SLC6A11: variants seen among roughly 807,000 people sequenced by gnomAD.
The protein encoded by SLC6A11 is sodium- and chloride-dependent GABA transporter 3.
In SLC6A11, 25 loss-of-function variants were observed where a neutral mutation model predicts 74.8. The observed-to-expected ratio is 0.33, with a 90% CI of 0.24 to 0.47. SLC6A11 has a LOEUF of 0.47. Ranked by LOEUF, SLC6A11 falls within the 20% of genes least tolerant of loss-of-function variation. SLC6A11 has a pLI of 1.00. For synonymous variants in SLC6A11, 330 were observed against 330.2 expected (o/e 1.00, Z 0.01); for missense variants, 574 against 837.0 (o/e 0.69, Z 3.88).
At chr3:10,860,972 A>AG (rs1694696533) in intron 5 of SLC6A11, among the ~76,000 whole-genome samples, 1 of 152,224 alleles carries the variant, frequency 6.6e-6, no homozygotes, top group Admixed American at 6.5e-5. Context: ...GGAGGATTAA[A>AG]GAGCATCAGT....
rs1193789777 is a variant in SLC6A11 at position 10,912,109 on chromosome 3, C to T, written c.911C>T (p.Thr304Met). ...CTACAGGTCTGGGTAGATGCTGGAA[C>T]GCAGATCTTTTTCTCCTATGCCATT... ...SDPQVWVDAGTQIFFSYAICL... is the reference protein window; with the variant it reads ...SDPQVWVDAGMQIFFSYAICL... The change falls in exon 7 of 14, where the codon ACG becomes ATG. Residue 304 changes from threonine (T) to methionine (M), a missense_variant. Physicochemically the swap from Thr to Met is moderately conservative, Grantham distance 81. This residue lies in a region of SLC6A11 where 215 missense variants were observed against 357.9 expected (regional missense o/e 0.60). Transcript: ENST00000254488. The T allele has an allele frequency of 2.5e-6, 4 of 1,613,408 alleles. No homozygotes were observed. Among genetic ancestry groups the T allele is most frequent in the South Asian group, 2.2e-5 (2 of 91,062 alleles).
At chr3:10,884,278 A>G (rs1010055393) in intron 6 of SLC6A11, among the ~76,000 whole-genome samples, 5 of 152,198 alleles carry the variant, frequency 3.3e-5, no homozygotes, top group African/African-American at 1.2e-4. Flanking sequence ...GATGCTGGTT[A>G]TCATTGATTG....
intron 4 of SLC6A11, among the ~76,000 whole-genome samples, chr3:10,832,217 G>C (rs1204327918): frequency 6.6e-6 from 1 of 152,132 alleles, no homozygotes; most frequent in African/African-American, 2.4e-5. Flanking sequence ...GAGCAGCCCT[G>C]GTGCCCTGCA....
At chr3:10,861,581 A>G (rs1158781243) in intron 5 of SLC6A11, among the ~76,000 whole-genome samples, 1 of 152,178 alleles carries the variant, frequency 6.6e-6, no homozygotes, top group Non-Finnish European at 1.5e-5. Flanking sequence ...TAAAAAAATC[A>G]TGGAGAAAGG....
rs1694739366 is a variant in SLC6A11, at chr3:10,864,393, CCCA to C, written c.757-10567_757-10565del. ...TCTGAGAAGTCTCAGCAACTTTCCC[CCCA>C]GTAACTGCGCGTGAGCCCCTAGCAA... On this transcript the variant is annotated intron_variant, in intron 5 of 13. Transcript: ENST00000254488. Among the ~76,000 whole-genome samples the C allele has an allele frequency of 4.0e-5, 6 of 151,812 alleles. No individual in the cohort carries two copies. In the South Asian group the frequency reaches 1.0e-3, roughly 26 times the overall value.
chr3:10,893,978 A>G (rs1041558916), intron 6 of SLC6A11, among the ~76,000 whole-genome samples: 5 of 152,168 alleles, frequency 3.3e-5, no homozygotes, highest in Non-Finnish European at 7.4e-5. Flanking sequence ...TGAGGGAAGC[A>G]TGAGGAATGA....
chr3:10,895,897 C>G (rs1695165638), intron 6 of SLC6A11, among the ~76,000 whole-genome samples: 1 of 152,326 alleles, frequency 6.6e-6, no homozygotes, highest in South Asian at 2.1e-4. Flanking sequence ...TTTTTAGGAG[C>G]AAGCGTCGTC....
At chr3:10,829,200 C>T (rs941852633) in intron 4 of SLC6A11, among the ~76,000 whole-genome samples, 2 of 152,168 alleles carry the variant, frequency 1.3e-5, no homozygotes, top group Non-Finnish European at 2.9e-5. Context: ...ATGGGGTTAA[C>T]CCTGTTCCTT....
chr3:10,818,788 G>T (rs1441057540), intron 1 of SLC6A11, among the ~76,000 whole-genome samples: 1 of 152,116 alleles, frequency 6.6e-6, no homozygotes, highest in Non-Finnish European at 1.5e-5. Flanking sequence ...TTCACAGAAA[G>T]GCCCAGGAAA....
At chr3:10,875,253 G>T (rs751842289) in intron 6 of SLC6A11, among the ~76,000 whole-genome samples, 158 bp downstream of exon 6, 1 of 152,174 alleles carries the variant, frequency 6.6e-6, no homozygotes, top group Non-Finnish European at 1.5e-5. Flanking sequence ...AATTTAATAC[G>T]TAGGAAATCA....
chr3:10,912,462 G>A (rs1695400016), intron 7 of SLC6A11, among the ~76,000 whole-genome samples: 2 of 152,192 alleles, frequency 1.3e-5, no homozygotes, highest in South Asian at 4.1e-4. Flanking sequence ...CACCTCGTAT[G>A]GTAAAGACGT....
At chr3:10,887,388 G>A (rs1342195825) in intron 6 of SLC6A11, among the ~76,000 whole-genome samples, 3 of 152,138 alleles carry the variant, frequency 2.0e-5, no homozygotes, top group Admixed American at 1.3e-4. Context: ...AATCAGAGAA[G>A]AACAACATTA....
In SLC6A11 at chr3:10,824,191, C is replaced by T. The variant is rs1436550020; in HGVS notation, c.623+799C>T. ...ATTGTGTGGTGCACGACCTGTATAACCATACACAGTGGCCCTGACTTGCAA... is the reference window on the plus strand; with the variant it reads ...ATTGTGTGGTGCACGACCTGTATAATCATACACAGTGGCCCTGACTTGCAA... On this transcript the variant is annotated intron_variant, in intron 4 of 13. Transcript: ENST00000254488. 3.3e-5 allele frequency: 5 copies of T among 152,176 alleles called. No individual in the cohort carries two copies. The East Asian group carries it at 7.7e-4, about 23-fold the overall frequency. 9.4% of individuals were successfully genotyped at this position (152,176 alleles called of 1,614,324 possible). A position where few individuals can be genotyped will look rare whatever the true frequency, so the allele number is the denominator to read the frequency against.
Position 10,918,360 on chromosome 3 carries a change from G to A in SLC6A11, c.1027G>A (p.Gly343Ser), listed in dbSNP as rs1286288748. 17 of 1,608,514 alleles carry A rather than the reference G, an allele frequency of 1.1e-5. No individual in the cohort carries two copies. Among genetic ancestry groups the A allele is most frequent in the Non-Finnish European group, 1.2e-5 (14 of 1,177,918 alleles). ...CATCATGCTCTGTTGCCTGAACAGC[G>A]GCACCAGCTTCGTGGCTGGGTTTGC... ...DCIMLCCLNS[G>S]TSFVAGFAIF... The change falls in exon 8 of 14, where the codon GGC (glycine) becomes AGC (serine). Residue 343 changes from glycine (G) to serine (S), a missense_variant. Around this residue, in one of 4 missense-constraint regions of SLC6A11, gnomAD observed 16 missense variants for 50.1 expected, o/e 0.32. Transcript: ENST00000254488. The surrounding 1 kb of genome is among the most constrained non-coding windows in gnomAD (Gnocchi z 4.5).
intron 10 of SLC6A11, among the ~76,000 whole-genome samples, chr3:10,932,896 C>T (rs1241209380): frequency 1.3e-5 from 2 of 152,060 alleles, no homozygotes; most frequent in Non-Finnish European, 2.9e-5. Flanking sequence ...GTCTCTGGCC[C>T]TTGGGGTGCT....
At chr3:10,867,397 G>A (rs1694778827) in intron 5 of SLC6A11, among the ~76,000 whole-genome samples, 1 of 152,188 alleles carries the variant, frequency 6.6e-6, no homozygotes, top group African/African-American at 2.4e-5. Context: ...AGGAATTTTT[G>A]TCTGCAAAGT....
chr3:10,837,354 G>A (rs1694380190), intron 4 of SLC6A11, among the ~76,000 whole-genome samples: 2 of 152,224 alleles, frequency 1.3e-5, no homozygotes, highest in Middle Eastern at 3.4e-3. Context: ...GCCTATGTCG[G>A]TCCCTGATTG....
chr3:10,914,530 T>G (rs1331633285), intron 7 of SLC6A11, among the ~76,000 whole-genome samples: 1 of 152,116 alleles, frequency 6.6e-6, no homozygotes, highest in African/African-American at 2.4e-5. Flanking sequence ...TAGAATCCAG[T>G]GTGCCATCAG....
intron 5 of SLC6A11, among the ~76,000 whole-genome samples, chr3:10,867,148 A>G (rs1265034006): frequency 6.6e-6 from 1 of 152,270 alleles, no homozygotes; most frequent in African/African-American, 2.4e-5. Context: ...GAGAGGCGGG[A>G]CTGCACAGTG....
Sources: gnomAD v4.1 joint callset for allele counts (sites outside exome capture counted in the v4.1 genomes callset) on GRCh38, gnomAD v4.1.1 for gene constraint, gnomAD v4.1.1 regional missense constraint, Gnocchi (gnomAD v3.1) non-coding constraint, MANE v1.5 for transcripts, NCBI Gene and HGNC (gene_info 2026-07-23, HGNC 2026-07-21) for gene names.